ADAMTSL1: variants seen among roughly 807,000 people sequenced by gnomAD.
The protein encoded by ADAMTSL1 is ADAMTS-like protein 1.
Under a neutral mutation model 201.8 loss-of-function variants are expected in ADAMTSL1, and 126 were observed. The ratio of observed to expected loss-of-function variants is 0.62; its 90% CI spans 0.54 to 0.72. The LOEUF is 0.72. ADAMTSL1 is among the 30% of genes least tolerant of loss of function. The pLI, the probability that ADAMTSL1 is intolerant of heterozygous loss-of-function variation, is 0.00. For missense variants in ADAMTSL1, 2,679 were observed against 2,277.8 expected, an observed-to-expected ratio of 1.18 and a Z score of -3.59; for synonymous variants, 1,121 against 903.4, an observed-to-expected ratio of 1.24 and a Z score of -4.32.
At chr9:17,923,532 A>G (rs1456127055) in intron 1 of ADAMTSL1, among the ~76,000 whole-genome samples, 6 of 151,906 alleles carry the variant, frequency 3.9e-5, no homozygotes, top group Admixed American at 3.3e-4. Context: ...GGGCTGAGAC[A>G]ATGGGGTTTT....
At chr9:18,831,921 G>T (rs1825002994) in intron 23 of ADAMTSL1, among the ~76,000 whole-genome samples, 1 of 152,192 alleles carries the variant, frequency 6.6e-6, no homozygotes, top group Admixed American at 6.5e-5. Flanking sequence ...ATGCTTTGGA[G>T]CTGAGCACTG....
At chr9:18,848,364 G>T (rs1282122290) in intron 23 of ADAMTSL1, among the ~76,000 whole-genome samples, 1 of 152,214 alleles carries the variant, frequency 6.6e-6, no homozygotes, top group African/African-American at 2.4e-5. Flanking sequence ...AAGCTGGAAT[G>T]GAAATATGGC....
chr9:18,776,744 CTCTT>C (rs1160629725), intron 18 of ADAMTSL1, 33 bp from the exon 19 acceptor site: 1 of 1,509,368 alleles, frequency 6.6e-7, no homozygotes, highest in East Asian at 2.5e-5. Context: ...CTCTCCCCAC[CTCTT>C]TCTCTGTCCC....
Position 18,547,047 on chromosome 9 carries a change from T to C in ADAMTSL1, c.237+13755T>C, listed in dbSNP as rs565224485. On this transcript the variant is annotated intron_variant, in intron 3 of 28. Coordinates refer to ENST00000380548, the MANE Select transcript of ADAMTSL1 (RefSeq NM_001040272.6). ...TTCTAATTGCCAAGAAGATGTTTCT[T>C]AGAGCAAAATGATGTGTACTTTCTT... is the stretch of plus-strand genomic sequence containing the variant. 2.0e-5 allele frequency among the ~76,000 whole-genome samples: 3 copies of C among 152,314 alleles called. No homozygotes were observed. The South Asian group carries it at 6.2e-4, about 32-fold the overall frequency.
intron 1 of ADAMTSL1, among the ~76,000 whole-genome samples, chr9:18,020,034 A>G (rs544437627): frequency 6.6e-6 from 1 of 152,048 alleles, no homozygotes; most frequent in East Asian, 2.0e-4. Flanking sequence ...CTTCTTCAAC[A>G]CTATTATTTT....
At chr9:18,015,238 G>A (rs1820209718) in intron 1 of ADAMTSL1, among the ~76,000 whole-genome samples, 1 of 151,998 alleles carries the variant, frequency 6.6e-6, no homozygotes, top group African/African-American at 2.4e-5. Context: ...TCTCTCTGGT[G>A]CTCTCTCTCA....
intron 1 of ADAMTSL1, among the ~76,000 whole-genome samples, chr9:17,919,734 T>A (rs1826233503): frequency 6.6e-6 from 1 of 152,172 alleles, no homozygotes; most frequent in African/African-American, 2.4e-5. Flanking sequence ...TATGGGTATT[T>A]GGATTTTTCC....
chr9:18,717,079 C>A (rs1832992609), intron 14 of ADAMTSL1, among the ~76,000 whole-genome samples: 1 of 133,684 alleles, frequency 7.5e-6, no homozygotes, highest in Non-Finnish European at 1.6e-5. Flanking sequence ...ACTCTGGGGA[C>A]TGTGGTGGGG....
chr9:18,655,794 C>A (rs1828603061), intron 7 of ADAMTSL1, among the ~76,000 whole-genome samples: 1 of 99,508 alleles, frequency 1.0e-5, no homozygotes, highest in Non-Finnish European at 1.8e-5. Flanking sequence ...GAGCTAGAGG[C>A]TTTTGTGAGC....
intron 4 of ADAMTSL1, among the ~76,000 whole-genome samples, chr9:18,587,987 C>T (rs1453623656): frequency 1.3e-5 from 2 of 152,118 alleles, no homozygotes; most frequent in African/African-American, 4.8e-5. Flanking sequence ...GGATATATAA[C>T]CAGTAGTGAG....
At chr9:18,094,296 G>A (rs1409232931) in intron 1 of ADAMTSL1, among the ~76,000 whole-genome samples, 2 of 152,206 alleles carry the variant, frequency 1.3e-5, no homozygotes, top group African/African-American at 4.8e-5. Context: ...GTCAGCAACA[G>A]CCTAAAACTA....
At chr9:17,943,858 T>C (rs971935853) in intron 1 of ADAMTSL1, among the ~76,000 whole-genome samples, 1 of 152,026 alleles carries the variant, frequency 6.6e-6, no homozygotes, top group Non-Finnish European at 1.5e-5. Flanking sequence ...GGTTGGCTTC[T>C]GGGGAGGCCT....
chr9:18,025,358 G>C (rs1452986153), intron 1 of ADAMTSL1, among the ~76,000 whole-genome samples: 2 of 151,970 alleles, frequency 1.3e-5, no homozygotes. Context: ...TTACTTGCTA[G>C]GTTTTCTTCT....
At chr9:18,026,736 G>T (rs1820712902) in intron 1 of ADAMTSL1, among the ~76,000 whole-genome samples, 1 of 152,042 alleles carries the variant, frequency 6.6e-6, no homozygotes, top group South Asian at 2.1e-4. Flanking sequence ...AGTTAGAGAG[G>T]AGTCCCTCCT....
At chr9:18,664,492 C>A (rs180774941) in intron 9 of ADAMTSL1, among the ~76,000 whole-genome samples, 1 of 152,038 alleles carries the variant, frequency 6.6e-6, no homozygotes, top group African/African-American at 2.4e-5. Context: ...GGAAAACCAA[C>A]GTTCTTGGTA....
At position 18,766,337 on chromosome 9, in the gene ADAMTSL1, C is replaced by T. The variant is rs117734863; in HGVS notation, c.2218-4265C>T. On this transcript the variant is annotated intron_variant, in intron 16 of 28. Transcript: ENST00000380548. Reference sequence around the variant, plus strand: ...AGATTATATTCTCATTGCAAGGGAACGTCATTGGAGGGTTTTAAGCATGGA... The same window carrying T: ...AGATTATATTCTCATTGCAAGGGAATGTCATTGGAGGGTTTTAAGCATGGA... 1.1e-3 allele frequency among the ~76,000 whole-genome samples: 163 copies of T among 152,252 alleles called. 2 individuals are homozygous for T. The East Asian group carries it at 0.021, about 20-fold the overall frequency.
At chr9:18,542,222 C>G (rs35669972) in intron 3 of ADAMTSL1, among the ~76,000 whole-genome samples, 1 of 151,890 alleles carries the variant, frequency 6.6e-6, no homozygotes, top group East Asian at 1.9e-4. Flanking sequence ...TGGGAGAAAA[C>G]ATTTTATACA....
At chr9:18,297,296 T>C (rs1286005932) in intron 2 of ADAMTSL1, among the ~76,000 whole-genome samples, 4 of 152,176 alleles carry the variant, frequency 2.6e-5, no homozygotes, top group African/African-American at 9.6e-5. Context: ...GGTTTCAATA[T>C]GCAGTAAGGC....
intron 2 of ADAMTSL1, among the ~76,000 whole-genome samples, chr9:18,221,117 A>G (rs563994926): frequency 2.3e-4 from 35 of 152,248 alleles, no homozygotes; most frequent in Admixed American, 1.4e-3. Flanking sequence ...GTTAAAGAAA[A>G]TCTAAATTAG....
Sources: allele counts gnomAD v4.1 joint callset (sites outside exome capture counted in the v4.1 genomes callset), GRCh38; gene constraint gnomAD v4.1.1; transcripts MANE v1.5; gene names NCBI Gene and HGNC (gene_info 2026-07-23, HGNC 2026-07-21).